The following SH3RF2 variants were observed in gnomAD, a reference collection of about 807,000 sequenced individuals.
SH3RF2 encodes SH3 domain containing ring finger 2, also known as E3 ubiquitin-protein ligase SH3RF2.
In SH3RF2, 43 loss-of-function variants were observed where a neutral mutation model predicts 59.0. That is an observed-to-expected ratio of 0.73 (90% CI 0.57 to 0.94). The LOEUF (loss-of-function observed/expected upper bound fraction) is 0.94. Ranked by LOEUF, SH3RF2 falls within the 40% of genes least tolerant of loss-of-function variation. SH3RF2 has a pLI of 0.00. For synonymous variants in SH3RF2, 391 were observed against 391.5 expected (o/e 1.00, Z 0.01); for missense variants, 930 against 940.1 (o/e 0.99, Z 0.14).
At chr5:145,946,649 C>T (rs1015104528) in intron 2 of SH3RF2, among the ~76,000 whole-genome samples, 2 of 152,188 alleles carry the variant, frequency 1.3e-5, no homozygotes, top group African/African-American at 4.8e-5. Flanking sequence ...GCTTCAAGAT[C>T]TCTTAGCTCA....
chr5:146,060,956 C>G (rs1018479959), intron 9 of SH3RF2, among the ~76,000 whole-genome samples: 2 of 152,152 alleles, frequency 1.3e-5, no homozygotes, highest in African/African-American at 4.8e-5. Context: ...TTAGGTGATG[C>G]TTATTGCTGT....
intron 4 of SH3RF2, among the ~76,000 whole-genome samples, chr5:146,010,672 G>A (rs1305263913): frequency 2.0e-5 from 3 of 152,282 alleles, no homozygotes; most frequent in East Asian, 1.9e-4. Context: ...CTGCATAAAT[G>A]TCTTCTTTTG....
chr5:146,045,279 T>G (rs1762264183), intron 5 of SH3RF2, among the ~76,000 whole-genome samples: 1 of 152,236 alleles, frequency 6.6e-6, no homozygotes, highest in Non-Finnish European at 1.5e-5. Context: ...TAAGAGTTCC[T>G]CAGGAGGGTG....
intron 2 of SH3RF2, among the ~76,000 whole-genome samples, chr5:145,986,760 G>C (rs1470384849): frequency 2.0e-5 from 3 of 152,146 alleles, no homozygotes; most frequent in Admixed American, 1.3e-4. Context: ...CTAGGATAGG[G>C]AAATGAGATC....
intron 2 of SH3RF2, among the ~76,000 whole-genome samples, chr5:145,981,059 G>A (rs1179223980): frequency 6.6e-6 from 1 of 151,930 alleles, no homozygotes; most frequent in African/African-American, 2.4e-5. Context: ...TGATGTCATC[G>A]CATATGCAGT....
intron 2 of SH3RF2, among the ~76,000 whole-genome samples, chr5:145,996,286 C>T (rs927427237): frequency 3.3e-5 from 5 of 152,168 alleles, no homozygotes; most frequent in South Asian, 2.1e-4. Context: ...TGCTACAATG[C>T]GAGGTGATTA....
chr5:146,000,580 G>A (rs1220605214), intron 3 of SH3RF2, among the ~76,000 whole-genome samples: 1 of 152,170 alleles, frequency 6.6e-6, no homozygotes, highest in Non-Finnish European at 1.5e-5. Flanking sequence ...CTACGAATAA[G>A]TGATAGAAGT....
At chr5:146,076,886 G>T (rs1230704919) in intron 9 of SH3RF2, among the ~76,000 whole-genome samples, 1 of 152,068 alleles carries the variant, frequency 6.6e-6, no homozygotes, top group Non-Finnish European at 1.5e-5. Flanking sequence ...TGTAAGATCT[G>T]ACTGTTCCAC....
chr5:146,002,203 C>T (rs913482729), intron 3 of SH3RF2, among the ~76,000 whole-genome samples: 2 of 152,306 alleles, frequency 1.3e-5, no homozygotes, highest in Non-Finnish European at 2.9e-5. Context: ...GCAATCCCAG[C>T]ACTTTGGGAG....
chr5:145,967,017 T>A (rs914582313), intron 2 of SH3RF2, among the ~76,000 whole-genome samples: 1 of 152,132 alleles, frequency 6.6e-6, no homozygotes, highest in Non-Finnish European at 1.5e-5. Context: ...TGAGACTCTG[T>A]CTCAAACTTT....
chr5:145,982,864 G>A (rs1015533447), intron 2 of SH3RF2, among the ~76,000 whole-genome samples: 4 of 152,246 alleles, frequency 2.6e-5, no homozygotes, highest in Admixed American at 6.5e-5. Flanking sequence ...GTAGCGATTG[G>A]GCAGGAGAGG....
At position 146,000,165 on chromosome 5, in the gene SH3RF2, G is replaced by T. The variant is rs1561733249; in HGVS notation, c.486G>T (p.Trp162Cys). ...TCCGGAGACAGCTTGATGAGAATTGGTACCAGGGGGAAATCAATGGCATCA... is the reference window on the plus strand; with the variant it reads ...TCCGGAGACAGCTTGATGAGAATTGTTACCAGGGGGAAATCAATGGCATCA... ...ILLRRQLDEN[W>C]YQGEINGISG... The change falls in exon 3 of 10, where the codon TGG becomes TGT. Residue 162 changes from tryptophan (W) to cysteine (C), a missense_variant. By Grantham distance (215) the Trp-to-Cys change is radical. Coordinates refer to ENST00000359120, the MANE Select transcript of SH3RF2 (RefSeq NM_152550.4). 1.9e-6 allele frequency: 3 copies of T among 1,613,860 alleles called. No homozygotes were observed. Among genetic ancestry groups the T allele is most frequent in the Non-Finnish European group, 1.7e-6 (2 of 1,179,910 alleles).
chr5:145,983,247 CT>C (rs35986916), intron 2 of SH3RF2, among the ~76,000 whole-genome samples: 23,338 of 133,752 alleles, frequency 0.17, 2,791 homozygotes, highest in African/African-American at 0.36. Flanking sequence ...AAACCAGAGC[CT>C]TTTTTTTTTT....
intron 9 of SH3RF2, among the ~76,000 whole-genome samples, chr5:146,072,306 G>C (rs1763254741): frequency 6.6e-6 from 1 of 152,172 alleles, no homozygotes; most frequent in Admixed American, 6.5e-5. Flanking sequence ...CCCAGAAGTG[G>C]TAGCTGTTGG....
At chr5:146,031,593 G>A (rs1761744070) in intron 5 of SH3RF2, among the ~76,000 whole-genome samples, 1 of 152,194 alleles carries the variant, frequency 6.6e-6, no homozygotes, top group East Asian at 1.9e-4. Flanking sequence ...AATGCAGGCC[G>A]TGGGTTCTCT....
chr5:146,028,410 T>C (rs1032759166), intron 5 of SH3RF2, among the ~76,000 whole-genome samples: 13 of 152,276 alleles, frequency 8.5e-5, no homozygotes, highest in African/African-American at 3.1e-4. Flanking sequence ...CCATCTCAAA[T>C]GGGAAAATTA....
downstream of SH3RF2, among the ~76,000 whole-genome samples, chr5:146,066,083 CTG>C (rs1314934221): frequency 6.6e-6 from 1 of 152,204 alleles, no homozygotes; most frequent in Non-Finnish European, 1.5e-5. Context: ...GCCAAGGAAA[CTG>C]AAGCTTGAAA....
At chr5:146,058,595 A>G in intron 8 of SH3RF2, among the ~76,000 whole-genome samples, 1 of 152,190 alleles carries the variant, frequency 6.6e-6, no homozygotes, top group East Asian at 1.9e-4. Flanking sequence ...GACACAAATG[A>G]CTTTGATTCA....
Position 146,056,045 on chromosome 5 carries a change from T to A in SH3RF2, c.1387T>A (p.Ser463Thr). The change falls in exon 8 of 10, where the codon TCC becomes ACC. Residue 463 changes from serine (S) to threonine (T), a missense_variant. Ser to Thr is a moderately conservative substitution (Grantham distance 58). Transcript: ENST00000359120. Reference sequence around the variant, plus strand: ...CTACACCACATGGACGTTATCCACCTCCTCTGTGTCCTCCCAAGGCAGCAT... The same window carrying A: ...CTACACCACATGGACGTTATCCACCACCTCTGTGTCCTCCCAAGGCAGCAT... ...GLYTTWTLST[S>T]SVSSQGSISE... is the part of the protein sequence containing the mutation. 10 of 1,614,216 alleles carry A rather than the reference T, an allele frequency of 6.2e-6. No homozygotes were observed. Among genetic ancestry groups the A allele is most frequent in the Non-Finnish European group, 8.5e-6 (10 of 1,180,040 alleles).
Sources: allele counts gnomAD v4.1 joint callset (sites outside exome capture counted in the v4.1 genomes callset), GRCh38; gene constraint gnomAD v4.1.1; transcripts MANE v1.5; gene names NCBI Gene and HGNC (gene_info 2026-07-23, HGNC 2026-07-21).